Variants in ANHX observed in about 807,000 individuals in gnomAD.
The protein encoded by ANHX is anomalous homeobox protein.
Under a neutral mutation model 38.9 loss-of-function variants are expected in ANHX, and 20 were observed. The ratio of observed to expected loss-of-function variants is 0.51; its 90% confidence interval spans 0.36 to 0.75. The LOEUF (loss-of-function observed/expected upper bound fraction) is 0.75, where lower values mean the gene tolerates loss of function less well. Ranked by LOEUF, ANHX falls within the 30% of genes least tolerant of loss-of-function variation. The pLI is 0.00. For synonymous variants in ANHX, 185 were observed against 203.1 expected (o/e 0.91, Z 0.76); for missense variants, 475 against 493.1 (o/e 0.96, Z 0.35).
At chr12:133,226,214 G>A in intron 6 of ANHX, 104 bp downstream of exon 6, 4 of 1,509,804 alleles carry the variant, frequency 2.6e-6, no homozygotes, top group South Asian at 2.4e-5. Context: ...TCCCAGTGTG[G>A]GGGTCCTGTC....
In ANHX at chr12:133,219,352, G is replaced by A. The variant is rs1957077279; in HGVS notation, c.1296C>T (p.Ala432=). The change falls in exon 9 of 10, where the codon GCC becomes GCT. Residue 432 remains alanine (A), a synonymous_variant. Transcript: ENST00000545940. ...FILTQSPPEL[A]PAPSAFPGPV... Reference sequence around the variant, plus strand: ...GGCCGGGGAAGGCAGATGGGGCTGGGGCCAGCTCTGGAGGGCTGGAAAAGA... The same window carrying A: ...GGCCGGGGAAGGCAGATGGGGCTGGAGCCAGCTCTGGAGGGCTGGAAAAGA... 6.5e-7 allele frequency: 1 copy of A among 1,532,790 alleles called. No homozygotes were observed. 94.9% of individuals were successfully genotyped at this position (1,532,790 alleles called of 1,614,324 possible).
In ANHX at chr12:133,226,314, G is replaced by A. The variant is rs1016973066; in HGVS notation, c.839+4C>T. 6.5e-7 allele frequency: 1 copy of A among 1,536,240 alleles called. No homozygotes were observed. The highest frequency in any genetic ancestry group is 1.2e-5 in the South Asian group (1 of 84,060). ...TGATTCCATGGCCATGGAGATGACA[G>A]TACCTGACATCCAGTGGCTTTGAGA... is the stretch of plus-strand genomic sequence containing the variant. On this transcript the variant is annotated splice_donor_region_variant and intron_variant, in intron 6 of 9. Coordinates refer to ENST00000545940, the MANE Select transcript of ANHX (RefSeq NM_001372060.1).
chr12:133,228,082 C>A, intron 3 of ANHX, 135 bp from the exon 4 acceptor site: 1 of 1,045,522 alleles, frequency 9.6e-7, no homozygotes, highest in Non-Finnish European at 1.4e-6. Flanking sequence ...TCTCTGCCTC[C>A]AGTTAGTGAA....
chr12:133,221,130 T>A lies in ANHX; in HGVS notation c.1280+75A>T. 6.7e-7 allele frequency: 1 copy of A among 1,498,780 alleles called. No homozygotes were observed. The highest frequency in any genetic ancestry group is 8.9e-7 in the Non-Finnish European group (1 of 1,123,422). 92.8% of individuals were successfully genotyped at this position (1,498,780 alleles called of 1,614,324 possible). On this transcript the variant is annotated intron_variant, in intron 8 of 9. Transcript: ENST00000545940. This position sits in a 1 kb window ranked among gnomAD's most constrained non-coding sequence, Gnocchi z 4.1. ...TATCTGCACAGTCCGGGACGGTGAG[T>A]CTATAAACTGGGCATTACCCTATCT...
At chr12:133,231,415 C>G in intron 3 of ANHX, 102 bp downstream of exon 3, 1 of 1,463,298 alleles carries the variant, frequency 6.8e-7, no homozygotes, top group Non-Finnish European at 9.1e-7. Flanking sequence ...CTGTCCCTAT[C>G]TCCTCACCTC....
At position 133,221,388 on chromosome 12, in the gene ANHX, A is replaced by C. The variant is rs1172998104; in HGVS notation, c.1133-36T>G. 1 of 1,518,690 alleles carries C rather than the reference A, an allele frequency of 6.6e-7. No individual in the cohort carries two copies. Among genetic ancestry groups the C allele is most frequent in the Non-Finnish European group, 8.8e-7 (1 of 1,137,744 alleles). The allele number at this position is 1,518,690 out of a possible 1,614,324, so 94.1% of individuals were successfully genotyped here. A position where few individuals can be genotyped will look rare whatever the true frequency, so the allele number is the denominator to read the frequency against. The stretch of plus-strand genomic sequence containing the variant: ...TGAGATTCCACGGCACACTGGCAGG[A>C]GAAAGGAGCAGAGCCCACGTGTGAC... On this transcript the variant is annotated intron_variant, in intron 7 of 9. Coordinates refer to ENST00000545940, the MANE Select transcript of ANHX (RefSeq NM_001372060.1). The surrounding 1 kb of genome is among the most constrained non-coding windows in gnomAD (Gnocchi z 4.1).
At chr12:133,224,086 G>A (rs1957150970) in intron 7 of ANHX, among the ~76,000 whole-genome samples, 1 of 152,100 alleles carries the variant, frequency 6.6e-6, no homozygotes, top group Non-Finnish European at 1.5e-5. Context: ...GAAAGAACCA[G>A]ACCTGAAATT....
chr12:133,227,023 C>A lies in ANHX; in HGVS notation c.631G>T (p.Gly211Cys), dbSNP rs1018094046. 6 of 1,535,740 alleles carry A rather than the reference C, an allele frequency of 3.9e-6. No homozygotes were observed. The highest frequency in any genetic ancestry group is 1.4e-5 in the African/African-American group (1 of 73,010). Residue 211 changes from glycine to cysteine, a missense_variant, in exon 5 of 10, where the codon GGT becomes TGT. Transcript: ENST00000545940. ...AGGTCAGGACCCCTCTCCCTCGCAC[C>A]AGGGTCTTCAGCTGTGGCCTGCTGG... ...PAQQATAEDP[G>C]ARERGPDLLQ...
chr12:133,224,929 T>C (rs1050488702), intron 7 of ANHX, among the ~76,000 whole-genome samples: 116 of 142,520 alleles, frequency 8.1e-4, no homozygotes, highest in Middle Eastern at 3.7e-3. Flanking sequence ...ATCACGCCAC[T>C]GCACTCCAGC....
At chr12:133,231,173 C>T (rs891829187) in intron 3 of ANHX, among the ~76,000 whole-genome samples, 14 of 152,182 alleles carry the variant, frequency 9.2e-5, no homozygotes, top group African/African-American at 3.4e-4. Context: ...GCCCAATAGC[C>T]CCCTTTCTGG....
At chr12:133,228,854 G>C (rs1411499073) in intron 3 of ANHX, among the ~76,000 whole-genome samples, 1 of 152,186 alleles carries the variant, frequency 6.6e-6, no homozygotes, top group African/African-American at 2.4e-5. Context: ...GTCTGCTCCA[G>C]TTCCAGCTAA....
Position 133,231,769 on chromosome 12 carries a change from G to C in ANHX, c.250-125C>G, listed in dbSNP as rs139644157. 471 of 1,246,446 alleles carry C rather than the reference G, an allele frequency of 3.8e-4. 1 individual carries two copies. The African/African-American group carries it at 6.4e-3, about 17-fold the overall frequency. The allele number at this position is 1,246,446 out of a possible 1,614,324, so 77.2% of individuals were successfully genotyped here. Reference sequence around the variant, plus strand: ...CAGTGATGGGAAGAGCAGGGTTCTGGGTTCAAATTCACTGATTTTACAAAG... The same window carrying C: ...CAGTGATGGGAAGAGCAGGGTTCTGCGTTCAAATTCACTGATTTTACAAAG... On this transcript the variant is annotated intron_variant, in intron 2 of 9. Coordinates refer to ENST00000545940, the MANE Select transcript of ANHX (RefSeq NM_001372060.1).
intron 7 of ANHX, among the ~76,000 whole-genome samples, chr12:133,224,797 C>A (rs1421509762): frequency 6.6e-6 from 1 of 150,984 alleles, no homozygotes. Flanking sequence ...AACCCCGTCT[C>A]TACTAAAAAG....
At chr12:133,220,141 G>A (rs1957089389) in intron 8 of ANHX, among the ~76,000 whole-genome samples, 1 of 152,162 alleles carries the variant, frequency 6.6e-6, no homozygotes, top group Admixed American at 6.5e-5. Flanking sequence ...TCATCACGGT[G>A]GTGGCCTCGT....
At chr12:133,224,634 G>A (rs1165552758) in intron 7 of ANHX, among the ~76,000 whole-genome samples, 1 of 133,682 alleles carries the variant, frequency 7.5e-6, no homozygotes, top group Non-Finnish European at 1.5e-5. Flanking sequence ...CTGCACTCTA[G>A]GCTGGGTGAC....
chr12:133,226,362 C>T lies in ANHX; in HGVS notation c.795G>A (p.Pro265=), dbSNP rs922068077. Residue 265 remains proline, a synonymous_variant, in exon 6 of 10, where the codon CCG becomes CCA. Transcript: ENST00000545940. ...AGACTGTCTCATCTGCGGGAAAGTC[C>T]GGGGCTAAGGCCAGTGGCTCCCATG... ...QGPWEPLALA[P]DFPADETVSK... is the part of the protein sequence containing the mutation. The T allele has an allele frequency of 2.3e-5, 35 of 1,536,108 alleles. No homozygotes were observed. The African/African-American group carries it at 3.8e-4, about 17-fold the overall frequency.
intron 8 of ANHX, among the ~76,000 whole-genome samples, chr12:133,220,756 G>T (rs539303894): frequency 6.6e-6 from 1 of 152,132 alleles, no homozygotes; most frequent in Admixed American, 6.5e-5. Context: ...CTGCTGGGCT[G>T]GCCCCGAAGG....
intron 8 of ANHX, among the ~76,000 whole-genome samples, chr12:133,219,790 G>T (rs755899472): frequency 6.6e-6 from 1 of 152,188 alleles, no homozygotes; most frequent in Non-Finnish European, 1.5e-5. Flanking sequence ...GAAGGCAGGT[G>T]TGCAGACTAT....
At chr12:133,227,761 C>T in intron 4 of ANHX, 63 bp downstream of exon 4, 19 of 1,524,348 alleles carry the variant, frequency 1.2e-5, no homozygotes, top group Non-Finnish European at 1.7e-5. Flanking sequence ...TGGGGGTACC[C>T]CTTGGGGGAC....
Sources: allele counts gnomAD v4.1 joint callset (sites outside exome capture counted in the v4.1 genomes callset), GRCh38; gene constraint gnomAD v4.1.1; non-coding constraint Gnocchi (gnomAD v3.1); transcripts MANE v1.5; gene names NCBI Gene and HGNC (gene_info 2026-07-23, HGNC 2026-07-21).